RDH16: variants seen among roughly 807,000 people sequenced by gnomAD.
RDH16 encodes the protein human epidermal retinol dehydrogenase.
In RDH16, 25 loss-of-function variants were observed where a neutral mutation model predicts 22.3. The observed-to-expected ratio is 1.12, with a 90% CI of 0.82 to 1.56. The LOEUF is 1.56. Among genes scored for constraint, RDH16 ranks in the 40% most tolerant of loss-of-function variants. The pLI is 0.00. For synonymous variants in RDH16, 154 were observed against 164.4 expected, an observed-to-expected ratio of 0.94 and a Z score of 0.48; for missense variants, 413 against 394.9, an observed-to-expected ratio of 1.05 and a Z score of -0.39.
chr12:56,955,024 C>T lies in RDH16; in HGVS notation c.454G>A (p.Val152Met). The T allele has an allele frequency of 6.2e-7, 1 of 1,614,172 alleles. No homozygotes were observed. Among genetic ancestry groups the T allele is most frequent in the Non-Finnish European group, 8.5e-7 (1 of 1,180,024 alleles). The change falls in exon 2 of 4, where the codon GTG becomes ATG. Residue 152 changes from valine to methionine, a missense_variant. Coordinates refer to ENST00000398138, the MANE Select transcript of RDH16 (RefSeq NM_003708.5). ...IDVTLSLLPL[V>M]RRARGRVVNV... ...ACCACACGGCCCCTGGCCCTCCTCA[C>T]TAAGGGCAGCAGGCTCAGAGTCACA...
Position 56,957,309 on chromosome 12 carries a change from G to T in RDH16, c.154C>A (p.Arg52=), listed in dbSNP as rs766651290. The part of the protein sequence containing the change: ...GKLLARQLDA[R]GLRVLAACLT... ...CATGCAGCCAGCACCCGCAAGCCTC[G>T]TGCATCCAGCTGTCTGGCCAGCAGT... is the stretch of plus-strand genomic sequence containing the variant. The change falls in exon 1 of 4, where the codon CGA becomes AGA. Residue 52 remains arginine, a synonymous_variant. Coordinates refer to ENST00000398138, the MANE Select transcript of RDH16 (RefSeq NM_003708.5). 1 of 1,614,130 alleles carries T rather than the reference G, an allele frequency of 6.2e-7. No individual in the cohort carries two copies. The highest frequency in any genetic ancestry group is 1.1e-5 in the South Asian group (1 of 91,076).
At chr12:56,957,048 A>G (rs1955934690) in intron 1 of RDH16, 102 bp downstream of exon 1, 1 of 1,195,854 alleles carries the variant, frequency 8.4e-7, no homozygotes, top group Non-Finnish European at 1.2e-6. Context: ...TGTTACTTCA[A>G]CCTGGAAAGA....
At position 56,952,856 on chromosome 12, in the gene RDH16, T is replaced by G. The variant is rs1244614283; in HGVS notation, c.707A>C (p.Glu236Ala). The part of the protein sequence containing the change: ...IWDRSSPEVK[E>A]AYGEKFVADY... ...TGCAACAAACTTCTCGCCATAGGCC[T>G]CCTTGACCTCTGGACTGGACCGGTC... is the stretch of plus-strand genomic sequence containing the variant. Residue 236 changes from glutamate to alanine, a missense_variant, in exon 3 of 4, where the codon GAG becomes GCG. Transcript: ENST00000398138. 1 of 1,613,914 alleles carries G rather than the reference T, an allele frequency of 6.2e-7. No individual in the cohort carries two copies. The highest frequency in any genetic ancestry group is 1.1e-5 in the South Asian group (1 of 91,030).
intron 1 of RDH16, among the ~76,000 whole-genome samples, chr12:56,956,369 T>C (rs2136381681): frequency 6.6e-6 from 1 of 152,334 alleles, no homozygotes; most frequent in South Asian, 2.1e-4. Flanking sequence ...AAAGTGTTCA[T>C]CTTCTCCAGA....
At position 56,957,504 on chromosome 12, in the gene RDH16, C is replaced by T; in HGVS notation, c.-42G>A. ...GACACAGACAGGCTGTGGGGGAAAC[C>T]AGAGTCTGGCCTCTGTTCAGACAGG... On this transcript the variant is annotated 5_prime_UTR_variant, in exon 1 of 4. Transcript: ENST00000398138. 1 of 1,566,772 alleles carries T rather than the reference C, an allele frequency of 6.4e-7. No individual in the cohort carries two copies. The highest frequency in any genetic ancestry group is 2.3e-5 in the East Asian group (1 of 44,330).
In RDH16 at chr12:56,952,118, G is replaced by T. The variant is rs1417989547; in HGVS notation, c.865C>A (p.Leu289Ile). 6.2e-7 allele frequency: 1 copy of T among 1,614,184 alleles called. No homozygotes were observed. Among genetic ancestry groups the T allele is most frequent in the Non-Finnish European group, 8.5e-7 (1 of 1,180,042 alleles). The change falls in exon 4 of 4, where the codon CTT becomes ATT. Residue 289 changes from leucine to isoleucine, a missense_variant. Leu to Ile is a conservative substitution (Grantham distance 5). Transcript: ENST00000398138. ...TRYSAGWDAK[L>I]LYLPMSYMPT... ...ATGTAGCTCATGGGGAGGTAGAGAAGCTTGGCATCCCAGCCAGCTGAGTAG... is the reference window on the plus strand; with the variant it reads ...ATGTAGCTCATGGGGAGGTAGAGAATCTTGGCATCCCAGCCAGCTGAGTAG...
At chr12:56,953,371 G>A (rs1955900522) in intron 2 of RDH16, among the ~76,000 whole-genome samples, 1 of 152,192 alleles carries the variant, frequency 6.6e-6, no homozygotes, top group South Asian at 2.1e-4. Context: ...CTCTGAGCTG[G>A]GTGATGGCAG....
At position 56,952,105 on chromosome 12, in the gene RDH16, G is replaced by C. The variant is rs752491046; in HGVS notation, c.878C>G (p.Pro293Arg). The C allele has an allele frequency of 2.8e-5, 45 of 1,614,214 alleles. No homozygotes were observed. Among genetic ancestry groups the C allele is most frequent in the East Asian group, 2.0e-4 (9 of 44,884 alleles). The change falls in exon 4 of 4, where the codon CCC (proline) becomes CGC (arginine). Residue 293 changes from proline (P) to arginine (R), a missense_variant. Coordinates refer to ENST00000398138, the MANE Select transcript of RDH16 (RefSeq NM_003708.5). ...CAGGAAGGTGGGCATGTAGCTCATGGGGAGGTAGAGAAGCTTGGCATCCCA... is the reference window on the plus strand; with the variant it reads ...CAGGAAGGTGGGCATGTAGCTCATGCGGAGGTAGAGAAGCTTGGCATCCCA... ...AGWDAKLLYL[P>R]MSYMPTFLVD...
At chr12:56,953,742 GGAGTTCTCAATCCCCAGCTT>G (rs1565618343) in intron 2 of RDH16, among the ~76,000 whole-genome samples, 1 of 152,144 alleles carries the variant, frequency 6.6e-6, no homozygotes, top group African/African-American at 2.4e-5. Flanking sequence ...GCTGCCAGGT[GGAGTTCTCAATCCCCAGCTT>G]GAGTTTTCAA....
chr12:56,953,728 C>T (rs1019575909), intron 2 of RDH16, among the ~76,000 whole-genome samples: 5 of 152,164 alleles, frequency 3.3e-5, no homozygotes, highest in African/African-American at 9.7e-5. Flanking sequence ...GTCTTCCTTA[C>T]CAGGCTGCCA....
intron 2 of RDH16, among the ~76,000 whole-genome samples, chr12:56,954,336 G>A (rs1378086839): frequency 2.6e-5 from 4 of 152,170 alleles, no homozygotes; most frequent in African/African-American, 7.2e-5. Context: ...CAAGCCACAT[G>A]CCCAGTGTCA....
In RDH16 at chr12:56,951,639, C is replaced by T; in HGVS notation, c.*390G>A. 1 of 239,338 alleles carries T rather than the reference C, an allele frequency of 4.2e-6. No homozygotes were observed. Among genetic ancestry groups the T allele is most frequent in the South Asian group, 7.1e-5 (1 of 14,128 alleles). The allele number at this position is 239,338 out of a possible 1,614,324, so 14.8% of individuals were successfully genotyped here. On this transcript the variant is annotated 3_prime_UTR_variant, in exon 4 of 4. Transcript: ENST00000398138. The stretch of plus-strand genomic sequence containing the variant: ...TTTCCACCCCGTGGGAGGGTGTAGA[C>T]TGGCCCAGAATTAACACACAGCCTG...
chr12:56,955,590 T>A (rs769091852), intron 1 of RDH16, among the ~76,000 whole-genome samples: 1 of 152,038 alleles, frequency 6.6e-6, no homozygotes, highest in Non-Finnish European at 1.5e-5. Context: ...CCAGCAACTA[T>A]CTGTTGATGG....
chr12:56,953,478 A>G (rs759968243), intron 2 of RDH16, among the ~76,000 whole-genome samples: 14 of 152,224 alleles, frequency 9.2e-5, no homozygotes, highest in Non-Finnish European at 1.3e-4. Context: ...TGACTGGACC[A>G]AGGAGCTCCC....
At position 56,957,232 on chromosome 12, in the gene RDH16, C is replaced by T; in HGVS notation, c.231G>A (p.Leu77=). 1.9e-6 allele frequency: 3 copies of T among 1,614,166 alleles called. No individual in the cohort carries two copies. Among genetic ancestry groups the T allele is most frequent in the Non-Finnish European group, 1.7e-6 (2 of 1,180,040 alleles). The change falls in exon 1 of 4, where the codon CTG becomes CTA. Residue 77 remains leucine (L), a synonymous_variant. Coordinates refer to ENST00000398138, the MANE Select transcript of RDH16 (RefSeq NM_003708.5). ...TGGTAACATCCAGGGTCACCGTCTC[C>T]AGCCTGTCTGAAGTCTGGCCCCTCA... The part of the protein sequence containing the change: ...EQLRGQTSDR[L]ETVTLDVTKT...
intron 1 of RDH16, among the ~76,000 whole-genome samples, chr12:56,956,707 G>A (rs761848501): frequency 2.0e-5 from 3 of 152,122 alleles, no homozygotes; most frequent in Non-Finnish European, 4.4e-5. Flanking sequence ...CTCAGTGGAC[G>A]CTGATGGGCC....
In RDH16 at chr12:56,951,978, A is replaced by G. The variant is rs368493111; in HGVS notation, c.*51T>C. The G allele has an allele frequency of 1.3e-6, 2 of 1,531,874 alleles. No individual in the cohort carries two copies. Among genetic ancestry groups the G allele is most frequent in the Non-Finnish European group, 1.8e-6 (2 of 1,108,012 alleles). 94.9% of individuals were successfully genotyped at this position (1,531,874 alleles called of 1,614,324 possible). A position where few individuals can be genotyped will look rare whatever the true frequency, so the allele number is the denominator to read the frequency against. ...TTTATATCTCTCCCAAGGATACACCACCCCTCATAGCACACCCCAAATCCA... is the reference window on the plus strand; with the variant it reads ...TTTATATCTCTCCCAAGGATACACCGCCCCTCATAGCACACCCCAAATCCA... On this transcript the variant is annotated 3_prime_UTR_variant, in exon 4 of 4. Coordinates refer to ENST00000398138, the MANE Select transcript of RDH16 (RefSeq NM_003708.5).
chr12:56,956,129 A>G (rs1452530211), intron 1 of RDH16, among the ~76,000 whole-genome samples: 2 of 152,170 alleles, frequency 1.3e-5, no homozygotes, highest in East Asian at 1.9e-4. Flanking sequence ...CCTGATGCAA[A>G]TGCAGATTCC....
At chr12:56,956,249 G>A (rs1406970670) in intron 1 of RDH16, among the ~76,000 whole-genome samples, 2 of 152,088 alleles carry the variant, frequency 1.3e-5, no homozygotes, top group Middle Eastern at 6.3e-3. Context: ...AAAGCAGGAA[G>A]GAATTTCATA....
Sources: gnomAD v4.1 joint callset for allele counts (sites outside exome capture counted in the v4.1 genomes callset) on GRCh38, gnomAD v4.1.1 for gene constraint, MANE v1.5 for transcripts, NCBI Gene and HGNC (gene_info 2026-07-23, HGNC 2026-07-21) for gene names.